The following PCDHGA12 variants were observed in gnomAD, a reference collection of about 807,000 sequenced individuals.
The protein encoded by PCDHGA12 is protocadherin gamma subfamily A, 12.
PCDHGA12 carries 43 observed loss-of-function variants against 61.1 expected under a neutral mutation model. The ratio of observed to expected loss-of-function variants is 0.70; its 90% CI spans 0.55 to 0.91. The LOEUF (loss-of-function observed/expected upper bound fraction) is 0.91, where lower values mean the gene tolerates loss of function less well. PCDHGA12 is among the 40% of genes least tolerant of loss of function. The pLI, the probability that PCDHGA12 is intolerant of heterozygous loss-of-function variation, is 0.00. For synonymous variants in PCDHGA12, 520 were observed against 542.9 expected (o/e 0.96, Z 0.59); for missense variants, 1,236 against 1,227.7 (o/e 1.01, Z -0.10).
intron 1 of PCDHGA12, among the ~76,000 whole-genome samples, chr5:141,463,527 G>C (rs12109431): frequency 1.5e-5 from 2 of 131,102 alleles, no homozygotes; most frequent in Non-Finnish European, 3.1e-5. Context: ...CGGCTTACTA[G>C]AAACTCCGGC....
Position 141,477,809 on chromosome 5 carries a change from C to A in PCDHGA12, c.2425-16998C>A. 1 of 1,614,146 alleles carries A rather than the reference C, an allele frequency of 6.2e-7. No individual in the cohort carries two copies. Among genetic ancestry groups the A allele is most frequent in the Non-Finnish European group, 8.5e-7 (1 of 1,180,040 alleles). On this transcript the variant is annotated intron_variant, in intron 1 of 3. Coordinates refer to ENST00000252085, the MANE Select transcript of PCDHGA12 (RefSeq NM_003735.3). The surrounding 1 kb of genome is among the most constrained non-coding windows in gnomAD (Gnocchi z 4.9). ...TGTCACTGATCGCAATGACAATGCC[C>A]CCCAGGTCCTATATCCTCGGCCAGG...
Position 141,476,072 on chromosome 5 carries a change from C to A in PCDHGA12, c.2425-18735C>A. 1.3e-6 allele frequency: 2 copies of A among 1,523,462 alleles called. No individual in the cohort carries two copies. The highest frequency in any genetic ancestry group is 1.3e-5 in the South Asian group (1 of 77,998). 94.4% of individuals were successfully genotyped at this position (1,523,462 alleles called of 1,614,324 possible). The stretch of plus-strand genomic sequence containing the variant: ...CGCTGAAAGTTTCTCAGCGAAATCT[C>A]AGGGACGATCTGGACCCCGCTGAGA... On this transcript the variant is annotated intron_variant, in intron 1 of 3. Coordinates refer to ENST00000252085, the MANE Select transcript of PCDHGA12 (RefSeq NM_003735.3). The surrounding 1 kb of genome is among the most constrained non-coding windows in gnomAD (Gnocchi z 7.6).
At chr5:141,495,095 G>C (rs67264863) in intron 2 of PCDHGA12, among the ~76,000 whole-genome samples, 9,751 of 152,126 alleles carry the variant, frequency 0.064, 363 homozygotes, top group South Asian at 0.11. Context: ...TTCCCTCCTC[G>C]CCACGACCGG....
intron 2 of PCDHGA12, among the ~76,000 whole-genome samples, chr5:141,504,490 TGC>T (rs2099838709): frequency 6.6e-6 from 1 of 152,056 alleles, no homozygotes; most frequent in Non-Finnish European, 1.5e-5. Flanking sequence ...TGGAGGCACC[TGC>T]CCAGTCTGAG....
rs1247556723 is a variant in PCDHGA12 at position 141,489,841 on chromosome 5, G to A, written c.2425-4966G>A. 6.2e-7 allele frequency: 1 copy of A among 1,614,224 alleles called. No individual in the cohort carries two copies. The highest frequency in any genetic ancestry group is 1.7e-5 in the Admixed American group (1 of 60,032). On this transcript the variant is annotated intron_variant, in intron 1 of 3. Coordinates refer to ENST00000252085, the MANE Select transcript of PCDHGA12 (RefSeq NM_003735.3). The surrounding 1 kb of genome is among the most constrained non-coding windows in gnomAD (Gnocchi z 4.5). Reference sequence around the variant, plus strand: ...AGAGCTGGTGCTAGAGCAGCAGCTGGATCGTGAAGCCCAGGCAAGACATCA... The same window carrying A: ...AGAGCTGGTGCTAGAGCAGCAGCTGAATCGTGAAGCCCAGGCAAGACATCA...
At chr5:141,457,094 C>T (rs2098908295) in intron 1 of PCDHGA12, among the ~76,000 whole-genome samples, 1 of 152,154 alleles carries the variant, frequency 6.6e-6, no homozygotes, top group Non-Finnish European at 1.5e-5. Context: ...TATAAGGATA[C>T]TAATTAAGCA....
At position 141,489,503 on chromosome 5, in the gene PCDHGA12, A is replaced by T; in HGVS notation, c.2425-5304A>T. 1 of 1,614,092 alleles carries T rather than the reference A, an allele frequency of 6.2e-7. No homozygotes were observed. ...ATGAGTGGTGCCCTGGCAGTGAATC[A>T]AAAGATTGACCGAGAAAGCCTATGT... is the stretch of plus-strand genomic sequence containing the variant. On this transcript the variant is annotated intron_variant, in intron 1 of 3. Transcript: ENST00000252085. The surrounding 1 kb of genome is among the most constrained non-coding windows in gnomAD (Gnocchi z 4.5).
At chr5:141,494,171 G>A (rs72790068) in intron 1 of PCDHGA12, among the ~76,000 whole-genome samples, 9,520 of 152,240 alleles carry the variant, frequency 0.063, 348 homozygotes, top group South Asian at 0.11. Flanking sequence ...TTCTAGGGGT[G>A]AGAAGTGTCC....
At chr5:141,468,877 T>C (rs1321110515) in intron 1 of PCDHGA12, among the ~76,000 whole-genome samples, 2 of 149,546 alleles carry the variant, frequency 1.3e-5, no homozygotes, top group African/African-American at 4.9e-5. Context: ...AAAATAATAA[T>C]AATAATAATA....
intron 1 of PCDHGA12, among the ~76,000 whole-genome samples, chr5:141,467,320 T>C (rs1593065881): frequency 6.6e-6 from 1 of 152,322 alleles, no homozygotes; most frequent in African/African-American, 2.4e-5. Flanking sequence ...CCCACAGTGC[T>C]GGGATTAGAG....
In PCDHGA12 at chr5:141,489,461, A is replaced by G. The variant is rs1329676538; in HGVS notation, c.2425-5346A>G. 5.0e-6 allele frequency: 8 copies of G among 1,613,832 alleles called. No homozygotes were observed. The highest frequency in any genetic ancestry group is 6.8e-6 in the Non-Finnish European group (8 of 1,179,986). On this transcript the variant is annotated intron_variant, in intron 1 of 3. Transcript: ENST00000252085. This position sits in a 1 kb window ranked among gnomAD's most constrained non-coding sequence, Gnocchi z 4.5. ...TTGGGCTCTGAGGAGAATGGGCGCT[A>G]TTTTTCCCTGAGCTTGATGAGTGGT...
Position 141,490,900 on chromosome 5 carries a change from G to A in PCDHGA12, c.2425-3907G>A, listed in dbSNP as rs2099705863. 2 of 1,613,796 alleles carry A rather than the reference G, an allele frequency of 1.2e-6. No individual in the cohort carries two copies. The highest frequency in any genetic ancestry group is 2.7e-5 in the African/African-American group (2 of 75,050). ...TGCCAACACATCTCTGCATGTGTTT[G>A]TCCTAGACGAGAATGATAATGCCCC... On this transcript the variant is annotated intron_variant, in intron 1 of 3. Transcript: ENST00000252085. The surrounding 1 kb of genome is among the most constrained non-coding windows in gnomAD (Gnocchi z 5.4).
Position 141,485,263 on chromosome 5 carries a change from G to A in PCDHGA12, c.2425-9544G>A. 1 of 1,614,162 alleles carries A rather than the reference G, an allele frequency of 6.2e-7. No individual in the cohort carries two copies. On this transcript the variant is annotated intron_variant, in intron 1 of 3. Transcript: ENST00000252085. This position sits in a 1 kb window ranked among gnomAD's most constrained non-coding sequence, Gnocchi z 5.7. ...ACCACCTGGGTTACGTTTGTGGGCA[G>A]ATCCGCTACCCGGTCCCAGAGGAGT...
In PCDHGA12 at chr5:141,476,087, C is replaced by T. The variant is rs758610836; in HGVS notation, c.2425-18720C>T. The stretch of plus-strand genomic sequence containing the variant: ...AGCGAAATCTCAGGGACGATCTGGA[C>T]CCCGCTGAGAGGAACTGCTTTTGAG... On this transcript the variant is annotated intron_variant, in intron 1 of 3. Coordinates refer to ENST00000252085, the MANE Select transcript of PCDHGA12 (RefSeq NM_003735.3). This position sits in a 1 kb window ranked among gnomAD's most constrained non-coding sequence, Gnocchi z 7.6. 9 of 1,553,656 alleles carry T rather than the reference C, an allele frequency of 5.8e-6. No individual in the cohort carries two copies. The South Asian group carries it at 1.1e-4, about 19-fold the overall frequency.
In PCDHGA12 at chr5:141,510,983, C is replaced by T; in HGVS notation, c.2609C>T (p.Ala870Val). The change falls in exon 4 of 4, where the codon GCC becomes GTC. Residue 870 changes from alanine to valine, a missense_variant. Transcript: ENST00000252085. The stretch of plus-strand genomic sequence containing the variant: ...GGGAGCTCCACCCTGGGAGGGGGTG[C>T]CGGCACCATGGGATTGAGCGCCCGC... ...ADGSSTLGGG[A>V]GTMGLSARYG... The T allele has an allele frequency of 6.2e-7, 1 of 1,614,162 alleles. No homozygotes were observed. The highest frequency in any genetic ancestry group is 8.5e-7 in the Non-Finnish European group (1 of 1,180,012).
chr5:141,488,437 C>A (rs1327345486), intron 1 of PCDHGA12, among the ~76,000 whole-genome samples: 2 of 152,210 alleles, frequency 1.3e-5, no homozygotes, highest in Non-Finnish European at 2.9e-5. Context: ...CCTCTGACCA[C>A]CCTCCTGGGT....
At chr5:141,496,172 T>C (rs942740022) in intron 2 of PCDHGA12, among the ~76,000 whole-genome samples, 1 of 151,672 alleles carries the variant, frequency 6.6e-6, no homozygotes, top group Non-Finnish European at 1.5e-5. Context: ...CACCCTCCCA[T>C]CCAAGCAGCC....
chr5:141,449,718 G>A (rs2098653155), intron 1 of PCDHGA12, among the ~76,000 whole-genome samples: 2 of 150,760 alleles, frequency 1.3e-5, no homozygotes, highest in Admixed American at 6.6e-5. Flanking sequence ...ATTTTTATAT[G>A]ATATGATTTT....
intron 3 of PCDHGA12, among the ~76,000 whole-genome samples, chr5:141,508,761 C>G (rs943236216): frequency 6.6e-6 from 1 of 151,974 alleles, no homozygotes; most frequent in Admixed American, 6.6e-5. Context: ...TCTGGCGCCT[C>G]TGAGGTCCCC....
Sources: gnomAD v4.1 joint callset for allele counts (sites outside exome capture counted in the v4.1 genomes callset) on GRCh38, gnomAD v4.1.1 for gene constraint, Gnocchi (gnomAD v3.1) non-coding constraint, MANE v1.5 for transcripts, NCBI Gene and HGNC (gene_info 2026-07-23, HGNC 2026-07-21) for gene names.